The following RUNX1 variants were observed in gnomAD, a reference collection of about 807,000 sequenced individuals.
RUNX1 encodes the protein RUNX family transcription factor 1.
RUNX1 carries 19 observed loss-of-function variants against 42.8 expected under a neutral mutation model. The observed-to-expected ratio is 0.44, with a 90% CI of 0.31 to 0.65. RUNX1 has a LOEUF of 0.65. Among genes scored for constraint, RUNX1 ranks in the 30% least tolerant of loss-of-function variants. The pLI is 0.07. For missense variants in RUNX1, 528 were observed against 672.0 expected (o/e 0.79, Z 2.37); for synonymous variants, 271 against 289.4 (o/e 0.94, Z 0.64).
chr21:34,872,460 T>C (rs1601499011), intron 5 of RUNX1, among the ~76,000 whole-genome samples: 1 of 152,350 alleles, frequency 6.6e-6, no homozygotes, highest in East Asian at 1.9e-4. Context: ...GATGGTGCAA[T>C]TCTATGCATA....
intron 2 of RUNX1, among the ~76,000 whole-genome samples, chr21:34,923,968 C>G (rs955899326): frequency 2.6e-5 from 4 of 152,228 alleles, no homozygotes; most frequent in African/African-American, 9.6e-5. Flanking sequence ...CCACTGGGCC[C>G]ACTGTCCACA....
chr21:34,937,456 T>C (rs541376268), intron 2 of RUNX1, among the ~76,000 whole-genome samples: 5 of 152,156 alleles, frequency 3.3e-5, no homozygotes, highest in South Asian at 4.1e-4. Flanking sequence ...TTCCTCAGTA[T>C]ATACATTTTA....
chr21:34,870,520 G>A (rs1307423230), intron 5 of RUNX1, among the ~76,000 whole-genome samples: 1 of 152,216 alleles, frequency 6.6e-6, no homozygotes, highest in African/African-American at 2.4e-5. Flanking sequence ...GAGGCCAGGG[G>A]TGCTGTTAAA....
chr21:35,008,774 T>C lies in RUNX1; in HGVS notation c.58+40068A>G, dbSNP rs369076164. ...GATACCTAGTGGTGGACTCGGTGCT[T>C]CTAACCATACTGATTATGGAATGAT... On this transcript the variant is annotated intron_variant, in intron 2 of 8. Transcript: ENST00000675419. 1.5e-3 allele frequency among the ~76,000 whole-genome samples: 230 copies of C among 152,328 alleles called. 1 individual carries two copies. Among genetic ancestry groups the C allele is most frequent in the African/African-American group, 5.3e-3 (220 of 41,566 alleles).
At chr21:34,884,119 G>C (rs2057945943) in intron 4 of RUNX1, among the ~76,000 whole-genome samples, 1 of 152,126 alleles carries the variant, frequency 6.6e-6, no homozygotes, top group African/African-American at 2.4e-5. Flanking sequence ...GGCTAATTCT[G>C]TAAGTACAGC....
At chr21:34,946,555 G>A (rs749056230) in intron 2 of RUNX1, among the ~76,000 whole-genome samples, 4 of 152,102 alleles carry the variant, frequency 2.6e-5, no homozygotes, top group Admixed American at 6.6e-5. Context: ...TCCATAGCTC[G>A]GCTTGATTCA....
At chr21:34,839,869 TGCTGGGGAGAAACAC>T (rs2146106390) in intron 6 of RUNX1, among the ~76,000 whole-genome samples, 1 of 152,342 alleles carries the variant, frequency 6.6e-6, no homozygotes, top group African/African-American at 2.4e-5. Flanking sequence ...ATTTGCTGTG[TGCTGGGGAGAAACAC>T]GCGAACTAAA....
chr21:35,040,791 A>C (rs963691940), intron 2 of RUNX1, among the ~76,000 whole-genome samples: 1 of 151,296 alleles, frequency 6.6e-6, no homozygotes, highest in South Asian at 2.1e-4. Flanking sequence ...AAAAAAAAAA[A>C]AAACCAACAA....
At chr21:34,932,364 G>C (rs973821763) in intron 2 of RUNX1, among the ~76,000 whole-genome samples, 2 of 152,048 alleles carry the variant, frequency 1.3e-5, no homozygotes, top group African/African-American at 2.4e-5. Context: ...GTGTTGGCAG[G>C]GCCCTCTGTA....
rs150070762 is a variant in RUNX1, at chr21:34,911,796, C to T, written c.59-18833G>A. Among the ~76,000 whole-genome samples the T allele has an allele frequency of 5.2e-3, 788 of 152,288 alleles. 3 individuals carry two copies. The highest frequency in any genetic ancestry group is 0.02 in the Middle Eastern group (6 of 294). Reference sequence around the variant, plus strand: ...CCATAGCCTCTGTCTGTCTCACAGACGCGCCAAGCTTTTTCTGCCTCAGGA... The same window carrying T: ...CCATAGCCTCTGTCTGTCTCACAGATGCGCCAAGCTTTTTCTGCCTCAGGA... On this transcript the variant is annotated intron_variant, in intron 2 of 8. Transcript: ENST00000675419.
At chr21:34,808,301 T>C (rs918340101) in intron 7 of RUNX1, among the ~76,000 whole-genome samples, 12 of 152,144 alleles carry the variant, frequency 7.9e-5, no homozygotes, top group African/African-American at 2.4e-4. Flanking sequence ...GGGTATGCTG[T>C]TTTAAAGGCC....
In RUNX1 at chr21:34,901,906, T is replaced by C. The variant is rs963056667; in HGVS notation, c.59-8943A>G. Reference sequence around the variant, plus strand: ...GTAAGATTTTCTGGTGGATGATAGATGCAGAGTCTATAAAGTTGCTAATAC... The same window carrying C: ...GTAAGATTTTCTGGTGGATGATAGACGCAGAGTCTATAAAGTTGCTAATAC... On this transcript the variant is annotated intron_variant, in intron 2 of 8. Transcript: ENST00000675419. This position sits in a 1 kb window ranked among gnomAD's most constrained non-coding sequence, Gnocchi z 4.3. Among the ~76,000 whole-genome samples the C allele has an allele frequency of 3.9e-5, 6 of 152,232 alleles. No individual in the cohort carries two copies. Among genetic ancestry groups the C allele is most frequent in the Non-Finnish European group, 8.8e-5 (6 of 68,044 alleles).
chr21:34,948,820 A>T (rs2058585084), intron 2 of RUNX1, among the ~76,000 whole-genome samples: 1 of 151,992 alleles, frequency 6.6e-6, no homozygotes, highest in African/African-American at 2.4e-5. Flanking sequence ...GTCTCAGCTC[A>T]TTGCAACCTC....
chr21:34,982,631 G>A (rs998305552), intron 2 of RUNX1, among the ~76,000 whole-genome samples: 14 of 151,974 alleles, frequency 9.2e-5, no homozygotes, highest in East Asian at 1.9e-4. Flanking sequence ...GTGTAGTGGC[G>A]CGATCTTGGC....
At position 34,993,668 on chromosome 21, in the gene RUNX1, GACAC is replaced by G. The variant is rs1296752007; in HGVS notation, c.58+55170_58+55173del. On this transcript the variant is annotated intron_variant, in intron 2 of 8. Coordinates refer to ENST00000675419, the MANE Select transcript of RUNX1 (RefSeq NM_001754.5). ...AGGCACACACACACAGACACACAGAGACACACACACAGACACACACACAGGCGCA... is the reference window on the plus strand; with the variant it reads ...AGGCACACACACACAGACACACAGAGACACACAGACACACACACAGGCGCA... 1.4e-4 allele frequency among the ~76,000 whole-genome samples: 7 copies of G among 50,878 alleles called. No homozygotes were observed. The Admixed American group carries it at 1.4e-3, about 10-fold the overall frequency. 33.4% of individuals were successfully genotyped at this position (50,878 alleles called of 152,430 possible).
chr21:34,880,444 T>G (rs1403665743), intron 5 of RUNX1, 113 bp downstream of exon 5: 1 of 969,996 alleles, frequency 1.0e-6, no homozygotes, highest in Non-Finnish European at 1.6e-6. Context: ...GCAATAAGAA[T>G]GTTAAGACAG....
intron 2 of RUNX1, among the ~76,000 whole-genome samples, chr21:35,040,065 T>A (rs997420132): frequency 6.6e-6 from 1 of 152,196 alleles, no homozygotes; most frequent in Non-Finnish European, 1.5e-5. Flanking sequence ...TCCTACCCAC[T>A]CTTGCATGGG....
At chr21:34,855,989 A>C (rs2057490644) in intron 6 of RUNX1, among the ~76,000 whole-genome samples, 2 of 152,228 alleles carry the variant, frequency 1.3e-5, no homozygotes, top group Non-Finnish European at 2.9e-5. Flanking sequence ...AATCCTATGG[A>C]ATATGAGAAA....
At chr21:35,005,721 G>C (rs571845950) in intron 2 of RUNX1, among the ~76,000 whole-genome samples, 1 of 152,222 alleles carries the variant, frequency 6.6e-6, no homozygotes, top group South Asian at 2.1e-4. Context: ...TATAAATGCT[G>C]TACATGGAGG....
Sources: allele counts gnomAD v4.1 joint callset (sites outside exome capture counted in the v4.1 genomes callset), GRCh38; gene constraint gnomAD v4.1.1; non-coding constraint Gnocchi (gnomAD v3.1); transcripts MANE v1.5; gene names NCBI Gene and HGNC (gene_info 2026-07-23, HGNC 2026-07-21).